Variants in CREG2 observed in about 807,000 individuals in gnomAD.
The protein encoded by CREG2 is protein CREG2.
Under a neutral mutation model 26.2 loss-of-function variants are expected in CREG2, and 24 were observed. The ratio of observed to expected loss-of-function variants is 0.92; its 90% CI spans 0.66 to 1.29. The LOEUF is 1.29. Among genes scored for constraint, CREG2 ranks in the 50% most tolerant of loss-of-function variants. CREG2 has a pLI of 0.00. For missense variants in CREG2, 366 were observed against 398.6 expected (o/e 0.92, Z 0.70); for synonymous variants, 174 against 169.2 (o/e 1.03, Z -0.22).
At chr2:101,352,327 C>T (rs1262322872) in intron 3 of CREG2, among the ~76,000 whole-genome samples, 1 of 152,226 alleles carries the variant, frequency 6.6e-6, no homozygotes, top group Non-Finnish European at 1.5e-5. Flanking sequence ...AAATATTATG[C>T]AGCCAAGATA....
chr2:101,355,617 C>T (rs1003255840), intron 2 of CREG2, among the ~76,000 whole-genome samples: 6 of 151,704 alleles, frequency 4.0e-5, no homozygotes, highest in African/African-American at 4.8e-5. Context: ...ACATCTGAAG[C>T]GCCCTAGGCA....
At chr2:101,378,571 C>T (rs1049487590) in intron 2 of CREG2, among the ~76,000 whole-genome samples, 4 of 152,192 alleles carry the variant, frequency 2.6e-5, no homozygotes, top group African/African-American at 9.7e-5. Context: ...TGGCTGTGCT[C>T]ACCTATTCCT....
In CREG2 at chr2:101,355,315, A is replaced by G. The variant is rs1684439652; in HGVS notation, c.663T>C (p.Thr221=). ...EDPRCVQLTL[T]GQMIAVSPEE... Reference sequence around the variant, plus strand: ...CTGGAGACACTGCGATCATCTGGCCAGTGAGCGTTAACTGGACACATCGGG... The same window carrying G: ...CTGGAGACACTGCGATCATCTGGCCGGTGAGCGTTAACTGGACACATCGGG... Residue 221 remains threonine (T), a synonymous_variant, in exon 3 of 4, where the codon ACT becomes ACC. Coordinates refer to ENST00000324768, the MANE Select transcript of CREG2 (RefSeq NM_153836.4). The G allele has an allele frequency of 6.2e-7, 1 of 1,614,156 alleles. No individual in the cohort carries two copies. Among genetic ancestry groups the G allele is most frequent in the East Asian group, 2.2e-5 (1 of 44,888 alleles).
At position 101,346,788 on chromosome 2, in the gene CREG2, A is replaced by C. The variant is rs1328739327; in HGVS notation, c.*4135T>G. On this transcript the variant is annotated 3_prime_UTR_variant, in exon 4 of 4. Coordinates refer to ENST00000324768, the MANE Select transcript of CREG2 (RefSeq NM_153836.4). ...CTGAGATAGTTGTAGATAACTGTAG[A>C]TTCACATGCAGTTGTAAGAAATAAT... 6.6e-6 allele frequency: 1 copy of C among 152,214 alleles called. No homozygotes were observed. Among genetic ancestry groups the C allele is most frequent in the Non-Finnish European group, 1.5e-5 (1 of 68,034 alleles). The allele number at this position is 152,214 out of a possible 1,614,324, so 9.4% of individuals were successfully genotyped here.
At chr2:101,375,668 C>CGTCT (rs2104482059) in intron 2 of CREG2, 1 of 201,474 alleles carries the variant, frequency 5.0e-6, no homozygotes, top group African/African-American at 2.3e-5. Flanking sequence ...GACCTGCTCA[C>CGTCT]GTCTAGGCAT....
chr2:101,377,692 CA>C (rs1684813664), intron 2 of CREG2, among the ~76,000 whole-genome samples: 1 of 152,158 alleles, frequency 6.6e-6, no homozygotes, highest in Non-Finnish European at 1.5e-5. Flanking sequence ...CTCCATTTGC[CA>C]TTTTAACCTG....
rs1381289661 is a variant in CREG2 at position 101,387,179 on chromosome 2, C to T, written c.279G>A (p.Arg93=). 1.5e-6 allele frequency: 2 copies of T among 1,325,442 alleles called. 1 individual carries two copies. Among genetic ancestry groups the T allele is most frequent in the Admixed American group, 6.4e-5 (2 of 31,360 alleles). The allele number at this position is 1,325,442 out of a possible 1,614,324, so 82.1% of individuals were successfully genotyped here. A position where few individuals can be genotyped will look rare whatever the true frequency, so the allele number is the denominator to read the frequency against. ...CGGGTGGCGCGGGGGGCGGCCTGGC[C>T]CGGGCGGCGCCCGCCCGGGGCCGCA... ...AHLRPRAGAA[R]ARPPPAPPGM... Residue 93 remains arginine (R), a synonymous_variant, in exon 1 of 4, where the codon CGG becomes CGA. Transcript: ENST00000324768. The surrounding 1 kb of genome is among the most constrained non-coding windows in gnomAD (Gnocchi z 4.7).
At chr2:101,370,087 A>G (rs1009007679) in intron 2 of CREG2, among the ~76,000 whole-genome samples, 2 of 151,958 alleles carry the variant, frequency 1.3e-5, no homozygotes, top group Non-Finnish European at 2.9e-5. Flanking sequence ...CCCTATGAGG[A>G]TTTGGCCTGT....
Position 101,387,114 on chromosome 2 carries a change from C to A in CREG2, c.344G>T (p.Ser115Ile), listed in dbSNP as rs1262752563. Residue 115 changes from serine (S) to isoleucine (I), a missense_variant, in exon 1 of 4, where the codon AGT becomes ATT. Coordinates refer to ENST00000324768, the MANE Select transcript of CREG2 (RefSeq NM_153836.4). This position sits in a 1 kb window ranked among gnomAD's most constrained non-coding sequence, Gnocchi z 4.7. ...SYRREGGQTA[S>I]APPGPRLRAA... ...GCGCAGTCTAGGGCCCGGGGGCGCA[C>A]TGGCCGTCTGGCCGCCCTCGCGCCG... 1.6e-6 allele frequency: 2 copies of A among 1,243,956 alleles called. No individual in the cohort carries two copies. Among genetic ancestry groups the A allele is most frequent in the Non-Finnish European group, 2.0e-6 (2 of 995,390 alleles). The allele number at this position is 1,243,956 out of a possible 1,614,324, so 77.1% of individuals were successfully genotyped here. A position where few individuals can be genotyped will look rare whatever the true frequency, so the allele number is the denominator to read the frequency against.
In CREG2 at chr2:101,383,580, G is replaced by T. The variant is rs373422910; in HGVS notation, c.564C>A (p.Asn188Lys). ...CTGGCAGCATCAGCGAGGCCATGGGGTTCTTCATCAGATCAGCCACCACGG... is the reference window on the plus strand; with the variant it reads ...CTGGCAGCATCAGCGAGGCCATGGGTTTCTTCATCAGATCAGCCACCACGG... The part of the protein sequence containing the change: ...KDPVVADLMK[N>K]PMASLMLPES... Residue 188 changes from asparagine (N) to lysine (K), a missense_variant, in exon 2 of 4, where the codon AAC becomes AAA. Transcript: ENST00000324768. 5.6e-6 allele frequency: 9 copies of T among 1,614,050 alleles called. No individual in the cohort carries two copies. Among genetic ancestry groups the T allele is most frequent in the African/African-American group, 1.3e-5 (1 of 74,918 alleles).
intron 2 of CREG2, among the ~76,000 whole-genome samples, chr2:101,373,195 T>C (rs751099602): frequency 1.3e-5 from 2 of 152,024 alleles, no homozygotes; most frequent in Non-Finnish European, 1.5e-5. Context: ...AGCCAAAACA[T>C]GGAAACAAAT....
intron 2 of CREG2, among the ~76,000 whole-genome samples, chr2:101,371,715 C>A (rs1020978747): frequency 6.6e-6 from 1 of 152,156 alleles, no homozygotes; most frequent in Non-Finnish European, 1.5e-5. Flanking sequence ...TAGCTCTCCC[C>A]GTGCTGCAGA....
chr2:101,387,423 GGC>G lies in CREG2; in HGVS notation c.33_34del (p.Pro12GlyfsTer44), dbSNP rs1240317407. Reference sequence around the variant, plus strand: ...CAGCAGCCAGGAGAGGCGGGTCCCCGGCCGCGCCGGCCGCCGGCCGCGGCGCA... The same window carrying G: ...CAGCAGCCAGGAGAGGCGGGTCCCCGCGCGCCGGCCGCCGGCCGCGGCGCA... On this transcript the variant is annotated frameshift_variant, in exon 1 of 4. Transcript: ENST00000324768. LOFTEE classifies it high-confidence loss of function. This position sits in a 1 kb window ranked among gnomAD's most constrained non-coding sequence, Gnocchi z 4.7. The G allele has an allele frequency of 8.1e-7, 1 of 1,233,870 alleles. No homozygotes were observed. The allele number at this position is 1,233,870 out of a possible 1,614,324, so 76.4% of individuals were successfully genotyped here.
rs150051429 is a variant in CREG2, at chr2:101,385,462, T to C, written c.441+1555A>G. ...TCCCAAAGTGCTGGGATTACAGGTG[T>C]GAGCCACGACGCCTGGCCAACAAAA... On this transcript the variant is annotated intron_variant, in intron 1 of 3. Coordinates refer to ENST00000324768, the MANE Select transcript of CREG2 (RefSeq NM_153836.4). Among the ~76,000 whole-genome samples, 814 of 152,300 alleles carry C rather than the reference T, an allele frequency of 5.3e-3. 8 individuals carry two copies. The highest frequency in any genetic ancestry group is 0.018 in the African/African-American group (751 of 41,560).
chr2:101,386,073 A>G (rs975706937), intron 1 of CREG2, among the ~76,000 whole-genome samples: 3 of 152,242 alleles, frequency 2.0e-5, no homozygotes, highest in Non-Finnish European at 4.4e-5. Flanking sequence ...TGAAGAGGTT[A>G]AGACCATTGC....
intron 2 of CREG2, among the ~76,000 whole-genome samples, chr2:101,381,776 G>T (rs764503568): frequency 1.3e-5 from 2 of 152,176 alleles, no homozygotes; most frequent in Non-Finnish European, 2.9e-5. Flanking sequence ...GCCTCGAGCT[G>T]CCTCACCCAG....
chr2:101,351,377 T>G (rs1383919440), intron 3 of CREG2, among the ~76,000 whole-genome samples: 3 of 152,190 alleles, frequency 2.0e-5, no homozygotes, highest in Non-Finnish European at 4.4e-5. Flanking sequence ...TCTGTCTCAT[T>G]ACCTGTCACG....
intron 3 of CREG2, among the ~76,000 whole-genome samples, chr2:101,353,041 T>C (rs1320001672): frequency 6.6e-6 from 1 of 152,254 alleles, no homozygotes; most frequent in Non-Finnish European, 1.5e-5. Context: ...GCAATGCTGT[T>C]GTCTGTAGTT....
intron 2 of CREG2, among the ~76,000 whole-genome samples, chr2:101,362,928 T>A (rs1443349549): frequency 6.6e-6 from 1 of 151,774 alleles, no homozygotes; most frequent in Non-Finnish European, 1.5e-5. Context: ...TGGTGGAGAG[T>A]GGCAGGAGCT....
Sources: allele counts gnomAD v4.1 joint callset (sites outside exome capture counted in the v4.1 genomes callset), GRCh38; gene constraint gnomAD v4.1.1; non-coding constraint Gnocchi (gnomAD v3.1); transcripts MANE v1.5; gene names NCBI Gene and HGNC (gene_info 2026-07-23, HGNC 2026-07-21).